The following KCND2 variants were observed in gnomAD, a reference collection of about 807,000 sequenced individuals.
The protein encoded by KCND2 is potassium voltage-gated channel subfamily D member 2, also known as A-type voltage-gated potassium channel KCND2.
In KCND2, 16 loss-of-function variants were observed where a neutral mutation model predicts 54.4. The ratio of observed to expected loss-of-function variants is 0.29; its 90% CI spans 0.20 to 0.45. KCND2 has a LOEUF of 0.45. KCND2 is among the 20% of genes least tolerant of loss of function. KCND2 has a pLI of 1.00. For synonymous variants in KCND2, 317 were observed against 310.7 expected (o/e 1.02, Z -0.21); for missense variants, 486 against 824.2 (o/e 0.59, Z 5.02).
At position 120,275,201 on chromosome 7, in the gene KCND2, T is replaced by A; in HGVS notation, c.569T>A (p.Val190Asp). ...ACGATGGCCCTGGTGTTCTACTATG[T>A]CACGGGGTTTTTCATTGCCGTCTCT... is the stretch of plus-strand genomic sequence containing the variant. ...TSTMALVFYY[V>D]TGFFIAVSVI... The change falls in exon 1 of 6, where the codon GTC becomes GAC. Residue 190 changes from valine (V) to aspartate (D), a missense_variant. Transcript: ENST00000331113. 6.2e-7 allele frequency: 1 copy of A among 1,613,962 alleles called. No homozygotes were observed. The highest frequency in any genetic ancestry group is 8.5e-7 in the Non-Finnish European group (1 of 1,179,988).
intron 1 of KCND2, among the ~76,000 whole-genome samples, chr7:120,624,006 A>T (rs1309856810): frequency 6.6e-6 from 1 of 152,238 alleles, no homozygotes; most frequent in Non-Finnish European, 1.5e-5. Flanking sequence ...CAAGCAATGC[A>T]CAAAGACAAA....
Position 120,432,259 on chromosome 7 carries a change from G to A in KCND2, c.1115+156512G>A, listed in dbSNP as rs1167260611. 1.2e-4 allele frequency among the ~76,000 whole-genome samples: 18 copies of A among 152,122 alleles called. 1 individual carries two copies. The highest frequency in any genetic ancestry group is 1.0e-3 in the Admixed American group (16 of 15,278). On this transcript the variant is annotated intron_variant, in intron 1 of 5. Coordinates refer to ENST00000331113, the MANE Select transcript of KCND2 (RefSeq NM_012281.3). Reference sequence around the variant, plus strand: ...CATATTCTAGTGTACTAATATCTCCGTAAAGATTGCCCCAGAATGACACCT... The same window carrying A: ...CATATTCTAGTGTACTAATATCTCCATAAAGATTGCCCCAGAATGACACCT...
intron 1 of KCND2, among the ~76,000 whole-genome samples, chr7:120,536,968 A>G (rs1434142785): frequency 6.6e-6 from 1 of 152,092 alleles, no homozygotes; most frequent in Non-Finnish European, 1.5e-5. Flanking sequence ...TCAATATTTG[A>G]CCTCCTGCAA....
intron 1 of KCND2, among the ~76,000 whole-genome samples, chr7:120,322,047 G>C (rs763217301): frequency 3.3e-5 from 5 of 151,818 alleles, no homozygotes; most frequent in Non-Finnish European, 7.4e-5. Flanking sequence ...ACAAGTTAAT[G>C]ATTCATAGGC....
chr7:120,632,154 A>C (rs1354587051), intron 1 of KCND2, among the ~76,000 whole-genome samples: 1 of 152,178 alleles, frequency 6.6e-6, no homozygotes, highest in Admixed American at 6.5e-5. Context: ...TATATTCATA[A>C]TGCAGCATCT....
At chr7:120,557,637 C>A (rs1184703555) in intron 1 of KCND2, among the ~76,000 whole-genome samples, 1 of 152,022 alleles carries the variant, frequency 6.6e-6, no homozygotes, top group Non-Finnish European at 1.5e-5. Flanking sequence ...TGATAACATA[C>A]CCACTATTTG....
intron 1 of KCND2, among the ~76,000 whole-genome samples, chr7:120,573,992 A>C (rs536974636): frequency 6.6e-6 from 1 of 152,338 alleles, no homozygotes; most frequent in East Asian, 1.9e-4. Flanking sequence ...TTAACAAGTA[A>C]GTCTCTGCAC....
intron 1 of KCND2, among the ~76,000 whole-genome samples, chr7:120,591,956 G>A (rs1160927070): frequency 6.6e-6 from 1 of 152,158 alleles, no homozygotes; most frequent in African/African-American, 2.4e-5. Context: ...AGCAACTGGT[G>A]GCTGCCAAGA....
chr7:120,367,573 AAAAG>A (rs755121476), intron 1 of KCND2, among the ~76,000 whole-genome samples: 1 of 151,966 alleles, frequency 6.6e-6, no homozygotes, highest in East Asian at 1.9e-4. Context: ...TTAAAAAAAA[AAAAG>A]AAAGATAATT....
At chr7:120,367,071 A>G (rs1800696222) in intron 1 of KCND2, among the ~76,000 whole-genome samples, 1 of 152,124 alleles carries the variant, frequency 6.6e-6, no homozygotes, top group South Asian at 2.1e-4. Flanking sequence ...TTGCATGCAT[A>G]TTATGTGCCA....
intron 1 of KCND2, among the ~76,000 whole-genome samples, chr7:120,629,067 AT>A (rs1429338569): frequency 6.6e-6 from 1 of 152,204 alleles, no homozygotes; most frequent in Non-Finnish European, 1.5e-5. Context: ...GATAGATGTC[AT>A]TTCATGAATG....
At chr7:120,541,855 C>A (rs997173775) in intron 1 of KCND2, among the ~76,000 whole-genome samples, 2 of 152,098 alleles carry the variant, frequency 1.3e-5, no homozygotes, top group South Asian at 2.1e-4. Context: ...ACACCCAGGG[C>A]AATTCATTTG....
intron 1 of KCND2, among the ~76,000 whole-genome samples, chr7:120,518,018 A>G (rs1803220380): frequency 6.6e-6 from 1 of 152,072 alleles, no homozygotes; most frequent in Non-Finnish European, 1.5e-5. Flanking sequence ...GTTCTTTGCG[A>G]TCCTCATGGC....
At chr7:120,674,230 A>G (rs1792029774) in intron 1 of KCND2, among the ~76,000 whole-genome samples, 1 of 151,322 alleles carries the variant, frequency 6.6e-6, no homozygotes, top group Admixed American at 6.6e-5. Flanking sequence ...TTCTTCTCCT[A>G]CAAAAGTAAA....
intron 1 of KCND2, among the ~76,000 whole-genome samples, chr7:120,537,100 T>C (rs531759394): frequency 1.4e-4 from 21 of 152,270 alleles, no homozygotes; most frequent in African/African-American, 4.8e-4. Context: ...AAAATGTTTT[T>C]CTTAAATAGT....
intron 1 of KCND2, among the ~76,000 whole-genome samples, chr7:120,515,649 T>G (rs1562861009): frequency 6.6e-6 from 1 of 152,084 alleles, no homozygotes. Flanking sequence ...GAGTTGGGAC[T>G]CACCACCCCA....
At chr7:120,569,964 CAAAACAAAACAA>C (rs1341947538) in intron 1 of KCND2, among the ~76,000 whole-genome samples, 12 of 151,912 alleles carry the variant, frequency 7.9e-5, no homozygotes, top group Non-Finnish European at 1.3e-4. Context: ...CAAAACAAAA[CAAAACAAAACAA>C]AAAAACACTG....
intron 1 of KCND2, among the ~76,000 whole-genome samples, chr7:120,551,649 G>A (rs1052974355): frequency 6.6e-6 from 1 of 152,128 alleles, no homozygotes; most frequent in Non-Finnish European, 1.5e-5. Context: ...AAAGTCAAAT[G>A]ATTCCTTAAT....
intron 1 of KCND2, among the ~76,000 whole-genome samples, chr7:120,603,147 T>G (rs559251528): frequency 1.1e-4 from 17 of 152,360 alleles, no homozygotes; most frequent in African/African-American, 3.8e-4. Flanking sequence ...CTTAAATCTC[T>G]GATTCTTCAT....
Sources: gnomAD v4.1 joint callset for allele counts (sites outside exome capture counted in the v4.1 genomes callset) on GRCh38, gnomAD v4.1.1 for gene constraint, MANE v1.5 for transcripts, NCBI Gene and HGNC (gene_info 2026-07-23, HGNC 2026-07-21) for gene names.